The following SGO1 variants were observed in gnomAD, a reference collection of about 807,000 sequenced individuals.
The protein encoded by SGO1 is serologically defined breast cancer antigen NY-BR-85.
In SGO1, 39 loss-of-function variants were observed where a neutral mutation model predicts 50.5. The observed-to-expected ratio is 0.77, with a 90% CI of 0.60 to 1.01. The LOEUF is 1.01. SGO1 is among the 50% of genes least tolerant of loss of function. The pLI is 0.00. For missense variants in SGO1, 638 were observed against 606.0 expected (o/e 1.05, Z -0.55); for synonymous variants, 191 against 205.1 (o/e 0.93, Z 0.59).
chr3:20,177,877 T>TTTTATTTATTTATTTATTTA (rs10662477), intron 4 of SGO1, among the ~76,000 whole-genome samples: 6 of 151,166 alleles, frequency 4.0e-5, no homozygotes, highest in Middle Eastern at 6.8e-3. Context: ...AAATATGATA[T>TTTTATTTATTTATTTATTTA]TTTATTTATT....
At chr3:20,172,387 GCTA>G in intron 6 of SGO1, among the ~76,000 whole-genome samples, 1 of 151,914 alleles carries the variant, frequency 6.6e-6, no homozygotes, top group Middle Eastern at 3.4e-3. Flanking sequence ...TGTAATCCCA[GCTA>G]CTCGGGAGTC....
chr3:20,162,709 T>C (rs1013717320), intron 8 of SGO1, among the ~76,000 whole-genome samples: 1 of 149,164 alleles, frequency 6.7e-6, no homozygotes, highest in African/African-American at 2.4e-5. Flanking sequence ...CTGAACATTA[T>C]AAATATGCTC....
chr3:20,166,738 G>T (rs1180524573), downstream of SGO1, among the ~76,000 whole-genome samples: 2 of 151,086 alleles, frequency 1.3e-5, no homozygotes, highest in Admixed American at 1.3e-4. Context: ...AGGTGTGGTG[G>T]CTCATGCCTG....
At position 20,170,830 on chromosome 3, in the gene SGO1, A is replaced by G. The variant is rs1236462531; in HGVS notation, c.1473-15T>C. 6 of 1,584,416 alleles carry G rather than the reference A, an allele frequency of 3.8e-6. No individual in the cohort carries two copies. The highest frequency in any genetic ancestry group is 2.0e-5 in the Admixed American group (1 of 49,944). On this transcript the variant is annotated splice_polypyrimidine_tract_variant and intron_variant, in intron 7 of 7. Coordinates refer to ENST00000412997, the MANE Select transcript of SGO1 (RefSeq NM_001199251.3). ...TTCTCAGTTTCCTGTAAGAGTAAAA[A>G]GAGATCTCAGGCATAATGTAAGCAT...
intron 3 of SGO1, among the ~76,000 whole-genome samples, chr3:20,181,757 A>T (rs1702040535): frequency 1.3e-5 from 2 of 152,196 alleles, no homozygotes; most frequent in African/African-American, 4.8e-5. Context: ...ATACAAAATT[A>T]GAAAAGATTA....
intron 5 of SGO1, among the ~76,000 whole-genome samples, chr3:20,175,531 T>TA (rs1701280189): frequency 6.6e-6 from 1 of 152,158 alleles, no homozygotes; most frequent in East Asian, 1.9e-4. Context: ...GCACGGTGGC[T>TA]TACGCTTGTA....
chr3:20,182,182 T>C (rs1243377535), intron 3 of SGO1, among the ~76,000 whole-genome samples: 1 of 151,996 alleles, frequency 6.6e-6, no homozygotes, highest in Non-Finnish European at 1.5e-5. Context: ...GTACTTATTG[T>C]CTATGTGTGT....
intron 4 of SGO1, among the ~76,000 whole-genome samples, chr3:20,177,021 T>C (rs1701475795): frequency 1.3e-5 from 2 of 152,266 alleles, no homozygotes; most frequent in African/African-American, 2.4e-5. Flanking sequence ...GCCTGCTTTA[T>C]CATTAGCAGA....
At position 20,174,707 on chromosome 3, in the gene SGO1, G is replaced by C. The variant is rs776302499; in HGVS notation, c.824C>G (p.Ser275Cys). 19 of 1,613,266 alleles carry C rather than the reference G, an allele frequency of 1.2e-5. No individual in the cohort carries two copies. The South Asian group carries it at 2.1e-4, about 18-fold the overall frequency. Residue 275 changes from serine (S) to cysteine (C), a missense_variant, in exon 6 of 8, where the codon TCT becomes TGT. Transcript: ENST00000412997. ...CTTACTTTTAGTTTGTTCAGATTTA[G>C]ATTCTAAAATGTCTTCTTTTGTTTT... is the stretch of plus-strand genomic sequence containing the variant. ...FTKTKEDILE[S>C]KSEQTKSKQR...
chr3:20,170,873 C>A (rs1700649644), intron 7 of SGO1, 58 bp from the exon 8 acceptor site: 5 of 1,549,678 alleles, frequency 3.2e-6, no homozygotes, highest in Non-Finnish European at 3.5e-6. Context: ...TTAACTTACT[C>A]TTCCCTACCA....
Position 20,184,019 on chromosome 3 carries a change from C to T in SGO1, c.9G>A (p.Lys3=), listed in dbSNP as rs1702339961. 2 of 1,576,352 alleles carry T rather than the reference C, an allele frequency of 1.3e-6. No homozygotes were observed. The highest frequency in any genetic ancestry group is 1.7e-4 in the Middle Eastern group (1 of 5,938). Reference sequence around the variant, plus strand: ...GAAAGGACTTTTTCAGGCATCTTTCCTTGGCCATCTTTTGCCTAAACAATA... The same window carrying T: ...GAAAGGACTTTTTCAGGCATCTTTCTTTGGCCATCTTTTGCCTAAACAATA... MA[K]ERCLKKSFQD... Residue 3 remains lysine (K), a synonymous_variant, in exon 2 of 8, where the codon AAG becomes AAA. Coordinates refer to ENST00000412997, the MANE Select transcript of SGO1 (RefSeq NM_001199251.3).
At chr3:20,184,274 C>T (rs572805780) in intron 1 of SGO1, among the ~76,000 whole-genome samples, 1 of 152,292 alleles carries the variant, frequency 6.6e-6, no homozygotes, top group African/African-American at 2.4e-5. Context: ...AGATTTCCAA[C>T]CCAAAGATTC....
chr3:20,182,935 G>A (rs941853175), intron 3 of SGO1, among the ~76,000 whole-genome samples: 2 of 151,886 alleles, frequency 1.3e-5, no homozygotes, highest in Admixed American at 6.6e-5. Flanking sequence ...GGAGAATGGC[G>A]TGAACCCAGG....
At chr3:20,172,203 C>T (rs1022673977) in intron 6 of SGO1, among the ~76,000 whole-genome samples, 1 of 152,160 alleles carries the variant, frequency 6.6e-6, no homozygotes, top group African/African-American at 2.4e-5. Flanking sequence ...TATGAATCCA[C>T]AGGAGGACTT....
downstream of SGO1, among the ~76,000 whole-genome samples, chr3:20,166,104 T>C (rs1290124510): frequency 6.6e-6 from 1 of 152,058 alleles, no homozygotes; most frequent in Admixed American, 6.6e-5. Flanking sequence ...AAAAAAATTA[T>C]GACTTAGAAG....
chr3:20,171,010 T>C (rs1189144684), intron 7 of SGO1, 33 bp downstream of exon 7: 1 of 1,548,046 alleles, frequency 6.5e-7, no homozygotes, highest in Non-Finnish European at 8.7e-7. Context: ...ACATGTATCA[T>C]TAAAAATAAG....
chr3:20,172,792 T>TAAAAAAAAAAAA (rs60411282), intron 6 of SGO1, among the ~76,000 whole-genome samples: 5 of 98,896 alleles, frequency 5.1e-5, no homozygotes, highest in African/African-American at 1.5e-4. Context: ...TCACAAAAAG[T>TAAAAAAAAAAAA]AAAAAAAAAA....
chr3:20,186,762 T>G (rs565149113), upstream of SGO1: 1 of 152,334 alleles, frequency 6.6e-6, no homozygotes, highest in African/African-American at 2.4e-5. Flanking sequence ...CCAACATCCA[T>G]CCAGTTACCG....
At chr3:20,180,300 A>T (rs1470806921) in intron 3 of SGO1, among the ~76,000 whole-genome samples, 2 of 152,106 alleles carry the variant, frequency 1.3e-5, no homozygotes, top group Non-Finnish European at 2.9e-5. Flanking sequence ...GAAAAAAAAG[A>T]GTCGTTTCAA....
Sources: allele counts gnomAD v4.1 joint callset (sites outside exome capture counted in the v4.1 genomes callset), GRCh38; gene constraint gnomAD v4.1.1; transcripts MANE v1.5; gene names NCBI Gene and HGNC (gene_info 2026-07-23, HGNC 2026-07-21).